NEK1: variants seen among roughly 807,000 people sequenced by gnomAD.
NEK1 encodes the protein NIMA related kinase 1.
In NEK1, 137 loss-of-function variants were observed where a neutral mutation model predicts 182.1. The observed-to-expected ratio is 0.75, with a 90% CI of 0.65 to 0.87. NEK1 has a LOEUF of 0.87. Ranked by LOEUF, NEK1 falls within the 40% of genes least tolerant of loss-of-function variation. The pLI is 0.00. For missense variants in NEK1, 1,391 were observed against 1,494.4 expected (o/e 0.93, Z 1.14); for synonymous variants, 513 against 492.2 (o/e 1.04, Z -0.56).
At chr4:169,547,822 G>A (rs916340648) in intron 18 of NEK1, among the ~76,000 whole-genome samples, 4 of 152,052 alleles carry the variant, frequency 2.6e-5, no homozygotes, top group African/African-American at 9.7e-5. Context: ...AGCTCCATCA[G>A]GTCATTTATG....
At chr4:169,557,288 A>C (rs1762297105) in intron 16 of NEK1, among the ~76,000 whole-genome samples, 1 of 147,656 alleles carries the variant, frequency 6.8e-6, no homozygotes, top group African/African-American at 2.5e-5. Flanking sequence ...AAAGACTTAA[A>C]GACTCAACCA....
intron 28 of NEK1, among the ~76,000 whole-genome samples, chr4:169,434,164 A>T (rs1737945063): frequency 6.6e-6 from 1 of 151,584 alleles, no homozygotes; most frequent in Non-Finnish European, 1.5e-5. Context: ...AACATAATTG[A>T]ATGGCACTAA....
chr4:169,404,473 C>T lies in NEK1; in HGVS notation c.3374+2123G>A, dbSNP rs553809460. 1.1e-4 allele frequency among the ~76,000 whole-genome samples: 17 copies of T among 152,160 alleles called. No individual in the cohort carries two copies. In the Middle Eastern group the frequency reaches 0.01, roughly 91 times the overall value. ...CCAGCGGCATCGATCCTACGTAACTCAATACAGAAGAAAACATTATGAGAG... is the reference window on the plus strand; with the variant it reads ...CCAGCGGCATCGATCCTACGTAACTTAATACAGAAGAAAACATTATGAGAG... On this transcript the variant is annotated intron_variant, in intron 32 of 35. Transcript: ENST00000507142.
intron 19 of NEK1, among the ~76,000 whole-genome samples, chr4:169,521,091 C>T (rs1348039205): frequency 6.4e-5 from 5 of 78,388 alleles, no homozygotes; most frequent in African/African-American, 1.9e-4. Context: ...CAATGGCGGG[C>T]GCCCCTCCCC....
Position 169,466,020 on chromosome 4 carries a change from C to T in NEK1, c.2435-2625G>A, listed in dbSNP as rs899106525. ...AAAAGGAAGAAAAAAATCAATGAAT[C>T]CAATCCAACTCTATAATGACAGAGA... On this transcript the variant is annotated intron_variant, in intron 26 of 35. Transcript: ENST00000507142. Among the ~76,000 whole-genome samples, 6 of 152,022 alleles carry T rather than the reference C, an allele frequency of 3.9e-5. No individual in the cohort carries two copies. In the East Asian group the frequency reaches 1.2e-3, roughly 29 times the overall value.
intron 27 of NEK1, among the ~76,000 whole-genome samples, chr4:169,458,730 A>C (rs1743374002): frequency 6.6e-6 from 1 of 151,338 alleles, no homozygotes; most frequent in African/African-American, 2.4e-5. Context: ...CAGGAAGTTA[A>C]GGTGGAAGGA....
At chr4:169,596,529 T>C (rs1769523270) in intron 5 of NEK1, among the ~76,000 whole-genome samples, 1 of 152,220 alleles carries the variant, frequency 6.6e-6, no homozygotes, top group South Asian at 2.1e-4. Context: ...TTCATCTCAT[T>C]ATTTTCTATT....
chr4:169,590,176 C>A (rs1319479324), intron 6 of NEK1, among the ~76,000 whole-genome samples: 1 of 152,058 alleles, frequency 6.6e-6, no homozygotes, highest in Admixed American at 6.5e-5. Flanking sequence ...GGCATGGTGG[C>A]AGGTGCCTGC....
intron 31 of NEK1, among the ~76,000 whole-genome samples, chr4:169,407,071 G>A (rs1039591849): frequency 2.0e-5 from 3 of 152,048 alleles, no homozygotes; most frequent in Admixed American, 6.6e-5. Context: ...TTTGAAAACT[G>A]GGAGAAGTGT....
chr4:169,462,731 T>G (rs1392633302), intron 27 of NEK1, among the ~76,000 whole-genome samples: 1 of 152,112 alleles, frequency 6.6e-6, no homozygotes, highest in Non-Finnish European at 1.5e-5. Flanking sequence ...AACAAGCTGT[T>G]TAATCTGAAA....
Position 169,464,148 on chromosome 4 carries a change from T to G in NEK1, c.2435-753A>C, listed in dbSNP as rs145335692. The stretch of plus-strand genomic sequence containing the variant: ...TATATGCTGCTAATAAGCAATCATT[T>G]TCTTACACTTGTTCACACAAAAATA... On this transcript the variant is annotated intron_variant, in intron 26 of 35. Coordinates refer to ENST00000507142, the MANE Select transcript of NEK1 (RefSeq NM_001199397.3). 3.0e-3 allele frequency among the ~76,000 whole-genome samples: 450 copies of G among 151,808 alleles called. 1 individual carries two copies. Among genetic ancestry groups the G allele is most frequent in the African/African-American group, 0.01 (418 of 41,192 alleles).
chr4:169,490,966 G>A (rs916870095), intron 23 of NEK1, among the ~76,000 whole-genome samples: 9 of 151,596 alleles, frequency 5.9e-5, no homozygotes, highest in Middle Eastern at 3.2e-3. Flanking sequence ...ACATGGTGAA[G>A]CCCTGTCTCT....
chr4:169,444,655 T>C (rs1314710154), intron 27 of NEK1, among the ~76,000 whole-genome samples: 1 of 152,134 alleles, frequency 6.6e-6, no homozygotes, highest in Non-Finnish European at 1.5e-5. Context: ...TAATAAGAGT[T>C]GTGGACTTCA....
intron 23 of NEK1, among the ~76,000 whole-genome samples, chr4:169,505,164 T>G (rs954521776): frequency 6.6e-6 from 1 of 152,096 alleles, no homozygotes; most frequent in African/African-American, 2.4e-5. Context: ...TATAATTATT[T>G]TATCCTTTCT....
At chr4:169,582,543 G>C (rs908435911) in intron 10 of NEK1, among the ~76,000 whole-genome samples, 7 of 152,102 alleles carry the variant, frequency 4.6e-5, no homozygotes, top group Non-Finnish European at 8.8e-5. Context: ...CTCAACAAAT[G>C]CATTTTTTTC....
intron 16 of NEK1, among the ~76,000 whole-genome samples, chr4:169,556,844 T>C (rs983903701): frequency 5.9e-5 from 9 of 151,846 alleles, no homozygotes; most frequent in Non-Finnish European, 1.3e-4. Context: ...AGAGTAAATA[T>C]GAGCCAAGGC....
intron 12 of NEK1, 134 bp from the exon 13 acceptor site, chr4:169,562,330 C>A: frequency 7.6e-6 from 4 of 523,350 alleles, no homozygotes; most frequent in Non-Finnish European, 1.3e-5. Context: ...ATTACATTAT[C>A]TTAAAAAAAA....
intron 19 of NEK1, among the ~76,000 whole-genome samples, chr4:169,535,309 G>C (rs1012636348): frequency 1.3e-5 from 2 of 152,068 alleles, no homozygotes; most frequent in African/African-American, 4.8e-5. Flanking sequence ...GGCAACAAGA[G>C]CGAAAACTCT....
At chr4:169,580,250 T>G (rs1474953348) in intron 11 of NEK1, among the ~76,000 whole-genome samples, 3 of 152,070 alleles carry the variant, frequency 2.0e-5, no homozygotes, top group Admixed American at 2.0e-4. Context: ...TAATCTCAGC[T>G]CTTTGGGAGG....
Sources: gnomAD v4.1 joint callset for allele counts (sites outside exome capture counted in the v4.1 genomes callset) on GRCh38, gnomAD v4.1.1 for gene constraint, MANE v1.5 for transcripts, NCBI Gene and HGNC (gene_info 2026-07-23, HGNC 2026-07-21) for gene names.